The following DPP6 variants were observed in gnomAD, a reference collection of about 807,000 sequenced individuals.
DPP6 encodes dipeptidyl peptidase like 6, also known as A-type potassium channel modulatory protein DPP6.
Under a neutral mutation model 122.6 loss-of-function variants are expected in DPP6, and 69 were observed. The ratio of observed to expected loss-of-function variants is 0.56; its 90% CI spans 0.46 to 0.69. The LOEUF is 0.69. DPP6 is among the 30% of genes least tolerant of loss of function. The probability of loss-of-function intolerance (pLI) is 0.00; values close to 1 mark genes in which losing one functional copy is unlikely to be tolerated. For missense variants in DPP6, 928 were observed against 1,116.9 expected (o/e 0.83, Z 2.41); for synonymous variants, 418 against 433.1 (o/e 0.97, Z 0.43).
chr7:154,321,434 A>G (rs985779641), intron 1 of DPP6, among the ~76,000 whole-genome samples: 1 of 151,888 alleles, frequency 6.6e-6, no homozygotes, highest in Non-Finnish European at 1.5e-5. Context: ...CATCACGGAG[A>G]TTTTTCACCC....
intron 3 of DPP6, among the ~76,000 whole-genome samples, chr7:154,477,749 T>G (rs1364496782): frequency 1.3e-5 from 2 of 152,218 alleles, no homozygotes; most frequent in Non-Finnish European, 2.9e-5. Flanking sequence ...CGTGGCTATG[T>G]GCCCAGCAGA....
At chr7:154,882,645 G>T (rs554782151) in intron 21 of DPP6, among the ~76,000 whole-genome samples, 1 of 152,108 alleles carries the variant, frequency 6.6e-6, no homozygotes, top group Non-Finnish European at 1.5e-5. Flanking sequence ...GCACCTGTGC[G>T]TTATGTTCTG....
intron 7 of DPP6, among the ~76,000 whole-genome samples, chr7:154,690,011 C>A (rs1282611201): frequency 6.6e-6 from 1 of 152,122 alleles, no homozygotes; most frequent in African/African-American, 2.4e-5. Flanking sequence ...CCCTTTTATT[C>A]TTTTCTCACT....
chr7:154,113,410 T>TAC (rs1355579426), intron 1 of DPP6, among the ~76,000 whole-genome samples: 4 of 139,790 alleles, frequency 2.9e-5, no homozygotes, highest in African/African-American at 1.1e-4. Flanking sequence ...TATATATATA[T>TAC]ATACACACAC....
chr7:154,712,344 A>T (rs1841239682), intron 7 of DPP6, among the ~76,000 whole-genome samples: 1 of 152,250 alleles, frequency 6.6e-6, no homozygotes, highest in South Asian at 2.1e-4. Flanking sequence ...TCAAGAAAGT[A>T]TAAAGTCTGA....
chr7:154,659,441 T>C (rs1837476703), intron 6 of DPP6, among the ~76,000 whole-genome samples: 2 of 152,282 alleles, frequency 1.3e-5, no homozygotes, highest in African/African-American at 2.4e-5. Context: ...GTGTGTATTA[T>C]ATTGCATGGT....
chr7:154,060,647 A>C (rs1801661251), intron 1 of DPP6, among the ~76,000 whole-genome samples: 2 of 135,584 alleles, frequency 1.5e-5, no homozygotes, highest in Admixed American at 7.5e-5. Context: ...AGGGGGAGGC[A>C]CCCCCCACGA....
intron 1 of DPP6, among the ~76,000 whole-genome samples, chr7:154,381,905 C>T (rs558818380): frequency 1.3e-5 from 2 of 152,140 alleles, no homozygotes; most frequent in East Asian, 3.9e-4. Context: ...CATTGGTGTC[C>T]GAGCTTCTGT....
intron 6 of DPP6, among the ~76,000 whole-genome samples, chr7:154,652,278 A>C (rs1002764499): frequency 6.7e-6 from 1 of 149,872 alleles, no homozygotes; most frequent in Non-Finnish European, 1.5e-5. Flanking sequence ...TTTTTTTCCT[A>C]TACTGTACAT....
intron 1 of DPP6, among the ~76,000 whole-genome samples, chr7:154,118,078 G>A (rs1332993622): frequency 6.7e-6 from 1 of 149,282 alleles, no homozygotes; most frequent in African/African-American, 2.6e-5. Flanking sequence ...CATCAGGGGT[G>A]TTGTGTGGAA....
At chr7:154,561,084 CA>C (rs1415775675) in intron 4 of DPP6, among the ~76,000 whole-genome samples, 1 of 152,066 alleles carries the variant, frequency 6.6e-6, no homozygotes, top group Non-Finnish European at 1.5e-5. Context: ...ATGCAGCTAG[CA>C]TTGAGCTACA....
intron 1 of DPP6, among the ~76,000 whole-genome samples, chr7:153,964,954 CTCTTTCTTTCTT>C (rs769337862): frequency 1.7e-5 from 1 of 58,164 alleles, no homozygotes; most frequent in Non-Finnish European, 3.1e-5. Context: ...CTTTCTTTCT[CTCTTTCTTTCTT>C]TCATTTCTTT....
intron 1 of DPP6, among the ~76,000 whole-genome samples, chr7:154,140,348 C>T (rs1457432793): frequency 2.0e-5 from 3 of 152,124 alleles, no homozygotes; most frequent in South Asian, 2.1e-4. Flanking sequence ...TTTACTCTGA[C>T]GGATTACCAC....
At chr7:154,124,886 AG>A (rs1489425811) in intron 1 of DPP6, among the ~76,000 whole-genome samples, 4 of 152,236 alleles carry the variant, frequency 2.6e-5, no homozygotes, top group African/African-American at 9.6e-5. Context: ...GGGAGTAGTT[AG>A]CACACAGATT....
At chr7:154,586,224 A>C (rs1037096934) in intron 5 of DPP6, among the ~76,000 whole-genome samples, 1 of 152,112 alleles carries the variant, frequency 6.6e-6, no homozygotes, top group African/African-American at 2.4e-5. Flanking sequence ...ACAGTGATTC[A>C]TGCCCATAAT....
At chr7:154,790,176 C>T (rs1264254346) in intron 10 of DPP6, among the ~76,000 whole-genome samples, 7 of 152,148 alleles carry the variant, frequency 4.6e-5, no homozygotes, top group Non-Finnish European at 8.8e-5. Context: ...CCAGCCTGGG[C>T]AACAGAGCGA....
intron 1 of DPP6, among the ~76,000 whole-genome samples, chr7:154,096,859 TAAC>T (rs1805356955): frequency 1.3e-5 from 2 of 152,252 alleles, no homozygotes; most frequent in African/African-American, 4.8e-5. Flanking sequence ...ATTATATTTA[TAAC>T]AACAGCAGCA....
chr7:153,953,952 A>T (rs1802338679), intron 1 of DPP6, among the ~76,000 whole-genome samples: 1 of 152,220 alleles, frequency 6.6e-6, no homozygotes, highest in South Asian at 2.1e-4. Flanking sequence ...GTCTTGAGGC[A>T]GCACTCCTTC....
At chr7:154,400,307 G>A (rs10272763) in intron 1 of DPP6, among the ~76,000 whole-genome samples, 436 of 152,308 alleles carry the variant, frequency 2.9e-3, no homozygotes, top group African/African-American at 9.9e-3. Flanking sequence ...CAGAGATGGC[G>A]TGGAGTTCCT....
Sources: allele counts gnomAD v4.1 joint callset (sites outside exome capture counted in the v4.1 genomes callset), GRCh38; gene constraint gnomAD v4.1.1; transcripts MANE v1.5; gene names NCBI Gene and HGNC (gene_info 2026-07-23, HGNC 2026-07-21).